DAPP1: variants seen among roughly 807,000 people sequenced by gnomAD.
The protein encoded by DAPP1 is dual adaptor of phosphotyrosine and 3-phosphoinositides 1.
DAPP1 carries 20 observed loss-of-function variants against 41.5 expected under a neutral mutation model. That is an observed-to-expected ratio of 0.48 (90% CI 0.34 to 0.70). The LOEUF is 0.70. Ranked by LOEUF, DAPP1 falls within the 30% of genes least tolerant of loss-of-function variation. The pLI, the probability that DAPP1 is intolerant of heterozygous loss-of-function variation, is 0.01. For missense variants in DAPP1, 233 were observed against 333.4 expected (o/e 0.70, Z 2.35); for synonymous variants, 113 against 116.2 (o/e 0.97, Z 0.18).
chr4:99,820,924 T>G (rs1483825794), intron 1 of DAPP1, among the ~76,000 whole-genome samples: 1 of 152,238 alleles, frequency 6.6e-6, no homozygotes, highest in Non-Finnish European at 1.5e-5. Context: ...CAGTCCATAC[T>G]AAAACAGGTG....
At chr4:99,833,469 A>T (rs1259210640) in intron 1 of DAPP1, among the ~76,000 whole-genome samples, 1 of 152,206 alleles carries the variant, frequency 6.6e-6, no homozygotes, top group African/African-American at 2.4e-5. Flanking sequence ...TTCCTTCCAC[A>T]GGTGCACTTA....
intron 3 of DAPP1, among the ~76,000 whole-genome samples, chr4:99,842,245 A>T (rs1404729932): frequency 6.6e-6 from 1 of 152,244 alleles, no homozygotes; most frequent in African/African-American, 2.4e-5. Context: ...TGTCATCCAG[A>T]CTTCTACAGT....
At chr4:99,839,290 G>A (rs1018046469) in intron 2 of DAPP1, among the ~76,000 whole-genome samples, 1 of 151,844 alleles carries the variant, frequency 6.6e-6, no homozygotes. Context: ...TGCACTGAGA[G>A]TAATAGCAGG....
chr4:99,839,801 C>A (rs923861272), intron 2 of DAPP1, among the ~76,000 whole-genome samples: 1 of 152,222 alleles, frequency 6.6e-6, no homozygotes, highest in Non-Finnish European at 1.5e-5. Flanking sequence ...GTGGCTAACG[C>A]CTGTAATCTC....
At chr4:99,820,849 T>G (rs559876094) in intron 1 of DAPP1, among the ~76,000 whole-genome samples, 1 of 152,232 alleles carries the variant, frequency 6.6e-6, no homozygotes, top group South Asian at 2.1e-4. Flanking sequence ...GAATTTCATA[T>G]AATTTTTATG....
intron 2 of DAPP1, among the ~76,000 whole-genome samples, chr4:99,837,839 C>T (rs1367266620): frequency 6.6e-6 from 1 of 152,042 alleles, no homozygotes; most frequent in Non-Finnish European, 1.5e-5. Context: ...AACTTGTTTT[C>T]CTGCTACTAG....
chr4:99,822,187 C>A (rs1289242985), intron 1 of DAPP1, among the ~76,000 whole-genome samples: 1 of 152,174 alleles, frequency 6.6e-6, no homozygotes, highest in Non-Finnish European at 1.5e-5. Context: ...GGGTGACTTC[C>A]TTCTACTTAC....
At chr4:99,825,843 C>A (rs1722919351) in intron 1 of DAPP1, among the ~76,000 whole-genome samples, 1 of 152,194 alleles carries the variant, frequency 6.6e-6, no homozygotes, top group Non-Finnish European at 1.5e-5. Flanking sequence ...ACTTAATGGG[C>A]TTGTGTGGGC....
At chr4:99,863,672 A>G in intron 6 of DAPP1, 98 bp from the exon 7 acceptor site, 1 of 766,758 alleles carries the variant, frequency 1.3e-6, no homozygotes, top group East Asian at 2.7e-5. Flanking sequence ...ACAATTGCAC[A>G]TAGTGGAAAA....
rs185258996 is a variant in DAPP1 at position 99,837,991 on chromosome 4, T to A, written c.224+2246T>A. ...TATGAGAATCTATTGCCTCTACTGA[T>A]CTGATAGGAGGTGGAGCTCATTGAG... On this transcript the variant is annotated intron_variant, in intron 2 of 8. Coordinates refer to ENST00000512369, the MANE Select transcript of DAPP1 (RefSeq NM_014395.3). Among the ~76,000 whole-genome samples, 760 of 152,256 alleles carry A rather than the reference T, an allele frequency of 5.0e-3. 13 individuals carry two copies. The highest frequency in any genetic ancestry group is 0.035 in the Admixed American group (530 of 15,278).
intron 1 of DAPP1, among the ~76,000 whole-genome samples, chr4:99,832,144 A>G (rs1723148243): frequency 1.3e-5 from 2 of 152,208 alleles, no homozygotes; most frequent in Non-Finnish European, 2.9e-5. Context: ...GTTATTTGTC[A>G]CCCAGTCTGA....
In DAPP1 at chr4:99,868,711, AG is replaced by A. The variant is rs145626135; in HGVS notation, c.*527del. 0.054 allele frequency: 8,172 copies of A among 151,466 alleles called. 238 individuals carry two copies. The highest frequency in any genetic ancestry group is 0.081 in the Non-Finnish European group (5,491 of 67,794). 9.4% of individuals were successfully genotyped at this position (151,466 alleles called of 1,614,324 possible). A position where few individuals can be genotyped will look rare whatever the true frequency, so the allele number is the denominator to read the frequency against. ...TTTTCCCCCTTTATACAAAAAAAAA[AG>A]AACATTTCCAAAACTAAAATAGAAA... On this transcript the variant is annotated 3_prime_UTR_variant, in exon 9 of 9. Transcript: ENST00000512369.
chr4:99,833,482 T>G (rs1437328552), intron 1 of DAPP1, among the ~76,000 whole-genome samples: 1 of 152,136 alleles, frequency 6.6e-6, no homozygotes, highest in Non-Finnish European at 1.5e-5. Context: ...TGCACTTAGG[T>G]TTACTCTTTA....
chr4:99,858,882 T>C (rs1034996492), intron 4 of DAPP1, among the ~76,000 whole-genome samples: 15 of 151,640 alleles, frequency 9.9e-5, no homozygotes, highest in African/African-American at 2.7e-4. Context: ...TGTGTTCATA[T>C]GACCTCAAAA....
intron 1 of DAPP1, among the ~76,000 whole-genome samples, chr4:99,828,484 G>A (rs551571279): frequency 6.6e-6 from 1 of 152,204 alleles, no homozygotes; most frequent in Admixed American, 6.5e-5. Context: ...TTAAAGAACA[G>A]AACAAATGAG....
chr4:99,846,156 C>T (rs2110152066), intron 3 of DAPP1, among the ~76,000 whole-genome samples: 1 of 152,264 alleles, frequency 6.6e-6, no homozygotes, highest in Non-Finnish European at 1.5e-5. Flanking sequence ...CTCACATCTC[C>T]TTTCTCAAGC....
intron 7 of DAPP1, chr4:99,864,068 A>C (rs1459896041): frequency 2.4e-6 from 1 of 413,430 alleles, no homozygotes; most frequent in Admixed American, 4.5e-5. Flanking sequence ...TATGTTGCGT[A>C]CTGGAGAAGT....
intron 1 of DAPP1, among the ~76,000 whole-genome samples, chr4:99,830,559 A>G (rs1251370966): frequency 6.6e-6 from 1 of 152,062 alleles, no homozygotes; most frequent in African/African-American, 2.4e-5. Flanking sequence ...CTCCACCTTC[A>G]TCTCTCACCA....
intron 1 of DAPP1, among the ~76,000 whole-genome samples, chr4:99,831,342 T>A (rs1327007688): frequency 6.6e-6 from 1 of 152,218 alleles, no homozygotes; most frequent in Non-Finnish European, 1.5e-5. Flanking sequence ...TTCAAGACTG[T>A]ATCATTTGTA....
Sources: allele counts gnomAD v4.1 joint callset (sites outside exome capture counted in the v4.1 genomes callset), GRCh38; gene constraint gnomAD v4.1.1; transcripts MANE v1.5; gene names NCBI Gene and HGNC (gene_info 2026-07-23, HGNC 2026-07-21).